The following TMEM108 variants were observed in gnomAD, a reference collection of about 807,000 sequenced individuals.
TMEM108 encodes the protein transmembrane protein 108, also known as cancer/testis antigen 124.
A neutral mutation model predicts 35.1 loss-of-function variants in TMEM108; 12 were observed. The observed-to-expected ratio is 0.34, with a 90% CI of 0.22 to 0.55. The LOEUF (loss-of-function observed/expected upper bound fraction) is 0.55. Among genes scored for constraint, TMEM108 ranks in the 20% least tolerant of loss-of-function variants. The pLI is 0.89. For missense variants in TMEM108, 680 were observed against 753.3 expected (o/e 0.90, Z 1.14); for synonymous variants, 287 against 308.6 (o/e 0.93, Z 0.73).
At chr3:133,350,061 G>A (rs1341146193) in intron 3 of TMEM108, among the ~76,000 whole-genome samples, 1 of 152,100 alleles carries the variant, frequency 6.6e-6, no homozygotes, top group Admixed American at 6.6e-5. Flanking sequence ...AGACAATGTG[G>A]TATATGTACA....
intron 2 of TMEM108, among the ~76,000 whole-genome samples, chr3:133,079,240 A>C (rs564732600): frequency 6.6e-6 from 1 of 152,340 alleles, no homozygotes; most frequent in South Asian, 2.1e-4. Context: ...ATATACATTT[A>C]TCTGGAACTT....
rs1269412606 is a variant in TMEM108, at chr3:133,396,031, A to G, written c.*45A>G. The stretch of plus-strand genomic sequence containing the variant: ...GCCATTCCGTATTTTTCGTCTCTAA[A>G]TTATAAATATACAAATACATATATT... On this transcript the variant is annotated 3_prime_UTR_variant, in exon 6 of 6. Coordinates refer to ENST00000321871, the MANE Select transcript of TMEM108 (RefSeq NM_023943.4). The G allele has an allele frequency of 7.0e-7, 1 of 1,424,224 alleles. No individual in the cohort carries two copies. 88.2% of individuals were successfully genotyped at this position (1,424,224 alleles called of 1,614,324 possible).
intron 2 of TMEM108, among the ~76,000 whole-genome samples, chr3:133,170,614 CA>C (rs1190433116): frequency 3.3e-5 from 5 of 152,070 alleles, no homozygotes; most frequent in African/African-American, 4.8e-5. Context: ...TGGTGGTGTA[CA>C]AGCACTAAAC....
intron 3 of TMEM108, among the ~76,000 whole-genome samples, chr3:133,317,591 A>G (rs2071215077): frequency 7.5e-6 from 1 of 133,182 alleles, no homozygotes; most frequent in African/African-American, 2.6e-5. Flanking sequence ...TAGAAATGTG[A>G]TGAGCATTAA....
At chr3:133,167,483 G>A (rs1311911532) in intron 2 of TMEM108, among the ~76,000 whole-genome samples, 4 of 152,274 alleles carry the variant, frequency 2.6e-5, no homozygotes, top group Admixed American at 2.6e-4. Flanking sequence ...CCGTGCAGGA[G>A]CCCACCGTGG....
chr3:133,183,363 T>C (rs2107806046), intron 2 of TMEM108, among the ~76,000 whole-genome samples: 1 of 152,220 alleles, frequency 6.6e-6, no homozygotes, highest in Middle Eastern at 3.4e-3. Flanking sequence ...GCCTTAGTAC[T>C]CCAGCGTAGG....
intron 2 of TMEM108, among the ~76,000 whole-genome samples, chr3:133,225,330 G>A (rs1020484651): frequency 6.6e-6 from 1 of 152,104 alleles, no homozygotes; most frequent in Non-Finnish European, 1.5e-5. Flanking sequence ...ACAGGCATAA[G>A]CCACCGCGCC....
At chr3:133,349,211 AGT>A (rs888527595) in intron 3 of TMEM108, among the ~76,000 whole-genome samples, 1 of 152,170 alleles carries the variant, frequency 6.6e-6, no homozygotes, top group Non-Finnish European at 1.5e-5. Context: ...AGGCCTATAG[AGT>A]TTAAGTAACT....
At chr3:133,263,469 T>A (rs149323935) in intron 3 of TMEM108, among the ~76,000 whole-genome samples, 158 of 152,238 alleles carry the variant, frequency 1.0e-3, no homozygotes, top group African/African-American at 3.7e-3. Context: ...AACAATGAAA[T>A]TTTTCCCCAA....
At chr3:133,352,156 A>C (rs2072021736) in intron 3 of TMEM108, among the ~76,000 whole-genome samples, 1 of 152,194 alleles carries the variant, frequency 6.6e-6, no homozygotes, top group South Asian at 2.1e-4. Flanking sequence ...CTAAACAAAA[A>C]CACAGAACAT....
intron 2 of TMEM108, among the ~76,000 whole-genome samples, chr3:133,098,631 G>A (rs1944047370): frequency 6.6e-6 from 1 of 152,286 alleles, no homozygotes; most frequent in African/African-American, 2.4e-5. Flanking sequence ...GATACAATGG[G>A]GGTACAGGTA....
intron 3 of TMEM108, among the ~76,000 whole-genome samples, chr3:133,249,431 G>C (rs1175752960): frequency 6.6e-6 from 1 of 152,164 alleles, no homozygotes; most frequent in South Asian, 2.1e-4. Flanking sequence ...GAGCATGACA[G>C]ATGTAAACCG....
chr3:133,236,029 A>G (rs967810423), intron 3 of TMEM108, among the ~76,000 whole-genome samples: 7 of 152,114 alleles, frequency 4.6e-5, no homozygotes, highest in African/African-American at 1.4e-4. Flanking sequence ...CTACTTTGTT[A>G]AGAAGACTAA....
chr3:133,380,546 G>C lies in TMEM108; in HGVS notation c.835G>C (p.Gly279Arg). The C allele has an allele frequency of 6.2e-7, 1 of 1,614,036 alleles. No homozygotes were observed. The highest frequency in any genetic ancestry group is 8.5e-7 in the Non-Finnish European group (1 of 1,180,000). ...CCTGGGGCCTGCAAAGGACAAGCCAGGCCTTCGCAGAGCAGCCCAGGGGGG... is the reference window on the plus strand; with the variant it reads ...CCTGGGGCCTGCAAAGGACAAGCCACGCCTTCGCAGAGCAGCCCAGGGGGG... ...TSLGPAKDKPGLRRAAQGGGS... is the reference protein window; with the variant it reads ...TSLGPAKDKPRLRRAAQGGGS... The change falls in exon 4 of 6, where the codon GGC (glycine) becomes CGC (arginine). Residue 279 changes from glycine to arginine, a missense_variant. Transcript: ENST00000321871. The surrounding 1 kb of genome is among the most constrained non-coding windows in gnomAD (Gnocchi z 5.3).
intron 2 of TMEM108, among the ~76,000 whole-genome samples, chr3:133,058,875 A>T: frequency 6.6e-6 from 1 of 152,188 alleles, no homozygotes; most frequent in East Asian, 1.9e-4. Context: ...GAGCTGAGAT[A>T]TGGGGGTTTC....
intron 3 of TMEM108, among the ~76,000 whole-genome samples, chr3:133,241,849 G>A (rs1056225878): frequency 3.3e-5 from 5 of 151,918 alleles, no homozygotes; most frequent in African/African-American, 7.3e-5. Context: ...CCTGACCTTC[G>A]GTAATCCACC....
At chr3:133,297,729 A>G (rs765963491) in intron 3 of TMEM108, among the ~76,000 whole-genome samples, 11 of 152,206 alleles carry the variant, frequency 7.2e-5, no homozygotes, top group Non-Finnish European at 1.5e-4. Flanking sequence ...GTAAGAAGAG[A>G]GCAAAAGGAG....
chr3:133,123,036 A>G (rs1399625022), intron 2 of TMEM108, among the ~76,000 whole-genome samples: 1 of 152,216 alleles, frequency 6.6e-6, no homozygotes, highest in Non-Finnish European at 1.5e-5. Flanking sequence ...AAGCACACAT[A>G]CACGTATACA....
chr3:133,185,218 A>T (rs1375554181), intron 2 of TMEM108, among the ~76,000 whole-genome samples: 5 of 152,138 alleles, frequency 3.3e-5, no homozygotes, highest in Non-Finnish European at 1.5e-5. Flanking sequence ...CCTGCCACAA[A>T]TTCTCCAGAA....
Sources: gnomAD v4.1 joint callset for allele counts (sites outside exome capture counted in the v4.1 genomes callset) on GRCh38, gnomAD v4.1.1 for gene constraint, Gnocchi (gnomAD v3.1) non-coding constraint, MANE v1.5 for transcripts, NCBI Gene and HGNC (gene_info 2026-07-23, HGNC 2026-07-21) for gene names.